The following TTN variants were observed in gnomAD, a reference collection of about 807,000 sequenced individuals.
The protein encoded by TTN is titin.
TTN carries 1,525 observed loss-of-function variants against 3,223.0 expected under a neutral mutation model. That is an observed-to-expected ratio of 0.47 (90% confidence interval 0.45 to 0.49). The LOEUF (loss-of-function observed/expected upper bound fraction) is 0.49. Ranked by LOEUF, TTN falls within the 20% of genes least tolerant of loss-of-function variation. The pLI, the probability that TTN is intolerant of heterozygous loss-of-function variation, is 0.00. For missense variants in TTN, 40,786 were observed against 43,424.0 expected (o/e 0.94, Z 5.40); for synonymous variants, 14,094 against 15,161.0 (o/e 0.93, Z 5.17).
intron 49 of TTN, among the ~76,000 whole-genome samples, chr2:178,737,048 G>C (rs1295728541): frequency 6.6e-6 from 1 of 151,506 alleles, no homozygotes; most frequent in African/African-American, 2.4e-5. Context: ...TCAAACCACA[G>C]TTCATACTCA....
At chr2:178,669,881 G>T (rs1016512787) in intron 157 of TTN, among the ~76,000 whole-genome samples, 2 of 151,900 alleles carry the variant, frequency 1.3e-5, no homozygotes, top group Non-Finnish European at 1.5e-5. Context: ...TTTGCTCTTT[G>T]GAGATAGTAT....
rs1264984362 is a variant in TTN, at chr2:178,553,597, C to T, written c.89408G>A (p.Gly29803Glu). ...TEYVVSNLKPGVNYYFRVSAV... is the reference protein window; with the variant it reads ...TEYVVSNLKPEVNYYFRVSAV... ...AGATACCCGGAAGTAGTAATTGACT[C>T]CAGGTTTCAGGTTGGATACCACATA... The change falls in exon 334 of 363, where the codon GGA (glycine) becomes GAA (glutamate). Residue 29803 changes from glycine to glutamate, a missense_variant. By Grantham distance (98) the Gly-to-Glu change is moderately conservative. Transcript: ENST00000589042. The T allele has an allele frequency of 6.2e-7, 1 of 1,613,780 alleles. No individual in the cohort carries two copies.
intron 71 of TTN, chr2:178,725,032 C>T (rs990490649): frequency 4.0e-6 from 1 of 252,420 alleles, no homozygotes; most frequent in Non-Finnish European, 7.4e-6. Flanking sequence ...TATCAAATGC[C>T]AACCTTTGGA....
In TTN at chr2:178,607,233, T is replaced by C; in HGVS notation, c.53369A>G (p.Asp17790Gly). 3 of 1,613,002 alleles carry C rather than the reference T, an allele frequency of 1.9e-6. No individual in the cohort carries two copies. The highest frequency in any genetic ancestry group is 2.5e-6 in the Non-Finnish European group (3 of 1,179,324). ...MCLLNWSDPE[D>G]DGGSEITGFI... ...GCCTGTTATTTCACTTCCTCCATCA[T>C]CTTCTGGATCAGACCAGTTAAGTAG... Residue 17790 changes from aspartate (D) to glycine (G), a missense_variant, in exon 278 of 363, where the codon GAT becomes GGT. Transcript: ENST00000589042.
rs761637576 is a variant in TTN at position 178,795,025 on chromosome 2, C to G, written c.1142G>C (p.Gly381Ala). ...ACTGATGGTCACTTGCTCCTGGACA[C>G]CGTATCTCCCTTCCCATCTCTCTTC... is the stretch of plus-strand genomic sequence containing the variant. ...RTEERWEGRY[G>A]VQEQVTISGA... The change falls in exon 7 of 363, where the codon GGT (glycine) becomes GCT (alanine). Residue 381 changes from glycine (G) to alanine (A), a missense_variant. By Grantham distance (60) the Gly-to-Ala change is moderately conservative. Coordinates refer to ENST00000589042, the MANE Select transcript of TTN (RefSeq NM_001267550.2). 2.5e-6 allele frequency: 4 copies of G among 1,612,230 alleles called. No homozygotes were observed. Among genetic ancestry groups the G allele is most frequent in the Non-Finnish European group, 3.4e-6 (4 of 1,180,018 alleles).
Position 178,538,994 on chromosome 2 carries a change from T to C in TTN, c.98941A>G (p.Ser32981Gly). The C allele has an allele frequency of 6.2e-7, 1 of 1,613,294 alleles. No homozygotes were observed. The highest frequency in any genetic ancestry group is 1.1e-5 in the South Asian group (1 of 91,068). The change falls in exon 353 of 363, where the codon AGT becomes GGT. Residue 32981 changes from serine to glycine, a missense_variant. Ser to Gly is a moderately conservative substitution (Grantham distance 56). Coordinates refer to ENST00000589042, the MANE Select transcript of TTN (RefSeq NM_001267550.2). ...GGTTCAGAAGCAGGGCTGGTCTCAC[T>C]CAGGCCAACATCATTCTGTGCGATG... The part of the protein sequence containing the change: ...RIIAQNDVGL[S>G]ETSPASEPVV...
chr2:178,745,783 G>A (rs1191715562), intron 47 of TTN: 2 of 1,613,166 alleles, frequency 1.2e-6, no homozygotes, highest in East Asian at 4.5e-5. Context: ...GTCTTGGAGA[G>A]CCACGAACTA....
Position 178,718,983 on chromosome 2 carries a change from G to T in TTN, c.24227-10C>A. 1 of 1,582,928 alleles carries T rather than the reference G, an allele frequency of 6.3e-7. No individual in the cohort carries two copies. The highest frequency in any genetic ancestry group is 8.6e-7 in the Non-Finnish European group (1 of 1,165,118). ...TCAAAAGATGGTGGTTCTAGATATT[G>T]CAAGGCGGAAGGGGAGATAAAGAGA... is the stretch of plus-strand genomic sequence containing the variant. On this transcript the variant is annotated splice_polypyrimidine_tract_variant and intron_variant, in intron 83 of 362. Transcript: ENST00000589042.
At chr2:178,683,017 T>A in intron 134 of TTN, 114 bp from the exon 135 acceptor site, 1 of 1,109,430 alleles carries the variant, frequency 9.0e-7, no homozygotes, top group Non-Finnish European at 1.3e-6. Context: ...GCACTGATTA[T>A]GGGAGACCCT....
At position 178,611,019 on chromosome 2, in the gene TTN, G is replaced by T; in HGVS notation, c.51110C>A (p.Thr17037Lys). Residue 17037 changes from threonine to lysine, a missense_variant, in exon 270 of 363, where the codon ACA (threonine) becomes AAA (lysine). Coordinates refer to ENST00000589042, the MANE Select transcript of TTN (RefSeq NM_001267550.2). ...ITLENKLGSA[T>K]ASINVKVIGL... is the part of the protein sequence containing the mutation. ...TATGACTTTGACATTGATTGAGGCT[G>T]TTGCTGAGCCGAGCTTATTCTCCAG... 6.2e-7 allele frequency: 1 copy of T among 1,612,544 alleles called. No individual in the cohort carries two copies. The highest frequency in any genetic ancestry group is 1.1e-5 in the South Asian group (1 of 90,962).
chr2:178,681,573 A>ATTGC, intron 136 of TTN, 88 bp downstream of exon 136: 1 of 1,469,166 alleles, frequency 6.8e-7, no homozygotes, highest in Non-Finnish European at 9.3e-7. Flanking sequence ...TAATTTGTAC[A>ATTGC]CTGCCACTTT....
rs928158833 is a variant in TTN at position 178,568,311 on chromosome 2, C to T, written c.77821G>A (p.Val25941Ile). The change falls in exon 326 of 363, where the codon GTT becomes ATT. Residue 25941 changes from valine to isoleucine, a missense_variant. By Grantham distance (29) the Val-to-Ile change is conservative. Coordinates refer to ENST00000589042, the MANE Select transcript of TTN (RefSeq NM_001267550.2). ...RDTTTTVWDV[V>I]SATVARTTLK... ...GTAGTTCTAGCAACAGTAGCAGAAA[C>T]AACATCCCATACTGTGGTGGTTGTA... is the stretch of plus-strand genomic sequence containing the variant. 1.9e-6 allele frequency: 3 copies of T among 1,613,292 alleles called. No homozygotes were observed. The highest frequency in any genetic ancestry group is 2.5e-6 in the Non-Finnish European group (3 of 1,179,596).
chr2:178,777,938 G>A lies in TTN; in HGVS notation c.4246C>T (p.Arg1416Cys), dbSNP rs72647875. ...GGTGACATCCGTGCAGGAGACATGC[G>A]TATAGGAGACCTGCTCACTGAACGT... ...SPRSVSRSPIRMSPARMSPAR... is the reference protein window; with the variant it reads ...SPRSVSRSPICMSPARMSPAR... The change falls in exon 25 of 363, where the codon CGC becomes TGC. Residue 1416 changes from arginine to cysteine, a missense_variant. By Grantham distance (180) the Arg-to-Cys change is radical. Coordinates refer to ENST00000589042, the MANE Select transcript of TTN (RefSeq NM_001267550.2). The A allele has an allele frequency of 2.8e-3, 4,514 of 1,613,896 alleles. 108 individuals are homozygous for A. The African/African-American group carries it at 0.051, about 18-fold the overall frequency.
At position 178,717,804 on chromosome 2, in the gene TTN, T is replaced by C. The variant is rs1266883884; in HGVS notation, c.25070A>G (p.Lys8357Arg). The change falls in exon 87 of 363, where the codon AAA becomes AGA. Residue 8357 changes from lysine to arginine, a missense_variant. Lys to Arg is a conservative substitution (Grantham distance 26). Coordinates refer to ENST00000589042, the MANE Select transcript of TTN (RefSeq NM_001267550.2). The part of the protein sequence containing the change: ...SSAVLVIKAR[K>R]LPPFFARKLK... The stretch of plus-strand genomic sequence containing the variant: ...TTTTCTTGCAAAGAAAGGTGGAAGT[T>C]TGCGCGCTGTAAAGAAGTTACAGAT... 1 of 1,605,388 alleles carries C rather than the reference T, an allele frequency of 6.2e-7. No individual in the cohort carries two copies. Among genetic ancestry groups the C allele is most frequent in the Non-Finnish European group, 8.5e-7 (1 of 1,175,508 alleles).
intron 47 of TTN, among the ~76,000 whole-genome samples, chr2:178,752,822 G>T (rs1221702456): frequency 1.3e-5 from 2 of 151,984 alleles, no homozygotes; most frequent in Non-Finnish European, 1.5e-5. Flanking sequence ...ATGATTTCAT[G>T]CATTAAGATG....
Position 178,679,646 on chromosome 2 carries a change from T to TTCTCTTCTGGAACAGGTTTCC in TTN, c.33596_33616dup (p.Arg11199_Glu11205dup). On this transcript the variant is annotated inframe_insertion, in exon 141 of 363. Coordinates refer to ENST00000589042, the MANE Select transcript of TTN (RefSeq NM_001267550.2). ...CTTCTTGGGAACAGGAACAGGTTTC[T>TTCTCTTCTGGAACAGGTTTCC]TCTCTTCTGGAACAGGTTTCCTGGG... The TTCTCTTCTGGAACAGGTTTCC allele has an allele frequency of 6.2e-7, 1 of 1,611,596 alleles. No individual in the cohort carries two copies. Among genetic ancestry groups the TTCTCTTCTGGAACAGGTTTCC allele is most frequent in the Non-Finnish European group, 8.5e-7 (1 of 1,179,040 alleles).
chr2:178,725,768 C>T lies in TTN; in HGVS notation c.20554G>A (p.Glu6852Lys). 1.9e-6 allele frequency: 3 copies of T among 1,584,204 alleles called. No homozygotes were observed. Among genetic ancestry groups the T allele is most frequent in the Non-Finnish European group, 2.6e-6 (3 of 1,163,728 alleles). ...DTCVCTVKLK[E>K]PPRFVSKLNS... ...TGCCATGTGGATGAACTATATTTAC[C>T]TTTCAATTTTACAGTACAAACACAA... is the stretch of plus-strand genomic sequence containing the variant. The change falls in exon 70 of 363, where the codon GAA becomes AAA. Residue 6852 changes from glutamate (E) to lysine (K), a missense_variant and splice_region_variant. By Grantham distance (56) the Glu-to-Lys change is moderately conservative. Transcript: ENST00000589042.
intron 88 of TTN, among the ~76,000 whole-genome samples, chr2:178,716,000 G>T (rs2077426764): frequency 6.6e-6 from 1 of 152,068 alleles, no homozygotes; most frequent in African/African-American, 2.4e-5. Flanking sequence ...AAAAGAAGGA[G>T]AAAAAGACAT....
chr2:178,680,455 G>A, intron 138 of TTN, 124 bp from the exon 139 acceptor site: 2 of 800,106 alleles, frequency 2.5e-6, no homozygotes, highest in Admixed American at 2.5e-5. Context: ...ATATGCGATT[G>A]TTCATCTTTA....
Sources: allele counts gnomAD v4.1 joint callset (sites outside exome capture counted in the v4.1 genomes callset), GRCh38; gene constraint gnomAD v4.1.1; transcripts MANE v1.5; gene names NCBI Gene and HGNC (gene_info 2026-07-23, HGNC 2026-07-21).